HMGCLL1: variants seen among roughly 807,000 people sequenced by gnomAD.
HMGCLL1 encodes the protein 3-hydroxymethyl-3-methylglutaryl-CoA lyase, cytoplasmic.
HMGCLL1 carries 36 observed loss-of-function variants against 39.1 expected under a neutral mutation model. The observed-to-expected ratio is 0.92, with a 90% confidence interval of 0.71 to 1.22. HMGCLL1 has a LOEUF of 1.22. HMGCLL1 is among the 50% of genes most tolerant of loss of function. The pLI is 0.00. For missense variants in HMGCLL1, 451 were observed against 416.5 expected, an observed-to-expected ratio of 1.08 and a Z score of -0.72; for synonymous variants, 149 against 144.0, an observed-to-expected ratio of 1.03 and a Z score of -0.25.
chr6:55,660,358 C>T, the HMGCLL1 span, among the ~76,000 whole-genome samples: 20 of 151,746 alleles, frequency 1.3e-4, no homozygotes, highest in Admixed American at 5.9e-4. Context: ...TTCTGTTCTT[C>T]TCCCTCCTCC....
At chr6:55,445,553 A>G (rs1763787565) in intron 7 of HMGCLL1, among the ~76,000 whole-genome samples, 1 of 152,030 alleles carries the variant, frequency 6.6e-6, no homozygotes, top group African/African-American at 2.4e-5. Flanking sequence ...ATTTTCCTAT[A>G]TGAGAGACTT....
In HMGCLL1 at chr6:55,514,038, T is replaced by C. The variant is rs1209156720; in HGVS notation, c.542+10A>G. 3 of 1,607,338 alleles carry C rather than the reference T, an allele frequency of 1.9e-6. No individual in the cohort carries two copies. Among genetic ancestry groups the C allele is most frequent in the Non-Finnish European group, 2.5e-6 (3 of 1,178,036 alleles). ...TTAACAAAACAGAATTTGTGGGATTTCATAAGTACCCTCGTGCTGGAATAT... is the reference window on the plus strand; with the variant it reads ...TTAACAAAACAGAATTTGTGGGATTCCATAAGTACCCTCGTGCTGGAATAT... On this transcript the variant is annotated intron_variant, in intron 5 of 8. Coordinates refer to ENST00000274901, the MANE Select transcript of HMGCLL1 (RefSeq NM_001042406.2).
chr6:55,457,796 A>G (rs1365098492), intron 7 of HMGCLL1, among the ~76,000 whole-genome samples: 1 of 152,188 alleles, frequency 6.6e-6, no homozygotes, highest in Admixed American at 6.5e-5. Flanking sequence ...TCTAACTAGA[A>G]AACTTTTGGC....
chr6:55,659,741 T>G, the HMGCLL1 span, among the ~76,000 whole-genome samples: 163 of 152,006 alleles, frequency 1.1e-3, no homozygotes, highest in Middle Eastern at 3.4e-3. Context: ...GTTCTTCACT[T>G]TATGCTGTAT....
intron 7 of HMGCLL1, among the ~76,000 whole-genome samples, chr6:55,465,707 A>G (rs1764769472): frequency 6.6e-6 from 1 of 151,926 alleles, no homozygotes; most frequent in Non-Finnish European, 1.5e-5. Flanking sequence ...CTTAAGAAAT[A>G]TTTTTCTCCT....
chr6:55,581,193 GA>G (rs1204895862), upstream of HMGCLL1, among the ~76,000 whole-genome samples: 5 of 151,150 alleles, frequency 3.3e-5, no homozygotes, highest in East Asian at 2.0e-4. Context: ...AACATTTAGG[GA>G]AAAAAAAATT....
chr6:55,477,710 G>A (rs1765531212), intron 7 of HMGCLL1, among the ~76,000 whole-genome samples: 1 of 149,008 alleles, frequency 6.7e-6, no homozygotes, highest in Non-Finnish European at 1.5e-5. Flanking sequence ...TTTTAAAGCA[G>A]TGACTTCTAA....
At chr6:55,451,251 C>T (rs2127388858) in intron 7 of HMGCLL1, among the ~76,000 whole-genome samples, 1 of 152,178 alleles carries the variant, frequency 6.6e-6, no homozygotes, top group East Asian at 1.9e-4. Flanking sequence ...GCCAAAATCC[C>T]TTATATGTTT....
At chr6:55,545,177 A>T (rs1166706071) in intron 1 of HMGCLL1, among the ~76,000 whole-genome samples, 1 of 150,824 alleles carries the variant, frequency 6.6e-6, no homozygotes, top group African/African-American at 2.4e-5. Flanking sequence ...CATACATGGC[A>T]GAAGAGTTTT....
the HMGCLL1 span, among the ~76,000 whole-genome samples, chr6:55,672,050 A>C: frequency 6.6e-6 from 1 of 151,788 alleles, no homozygotes; most frequent in African/African-American, 2.4e-5. Context: ...TGGGAAGAGG[A>C]ACAGGGAACC....
chr6:55,591,529 G>A, the HMGCLL1 span, among the ~76,000 whole-genome samples: 5 of 151,696 alleles, frequency 3.3e-5, no homozygotes, highest in African/African-American at 1.2e-4. Flanking sequence ...TATTGGATAG[G>A]AATTAAGATT....
In HMGCLL1 at chr6:55,435,592, T is replaced by A. The variant is rs2127376333; in HGVS notation, c.*70A>T. ...CTTCACATATCAGAGCAAGTTGGCATTAATGATTTTCAGATGAGTATTGTA... is the reference window on the plus strand; with the variant it reads ...CTTCACATATCAGAGCAAGTTGGCAATAATGATTTTCAGATGAGTATTGTA... On this transcript the variant is annotated 3_prime_UTR_variant, in exon 9 of 9. Transcript: ENST00000274901. The A allele has an allele frequency of 2.6e-6, 2 of 772,534 alleles. No homozygotes were observed. Among genetic ancestry groups the A allele is most frequent in the Non-Finnish European group, 4.2e-6 (2 of 481,434 alleles). 47.9% of individuals were successfully genotyped at this position (772,534 alleles called of 1,614,324 possible).
At chr6:55,631,315 G>A in the HMGCLL1 span, among the ~76,000 whole-genome samples, 1 of 151,476 alleles carries the variant, frequency 6.6e-6, no homozygotes. Context: ...TTTTTTATAT[G>A]CATAGTTGTT....
At chr6:55,624,545 C>A in the HMGCLL1 span, among the ~76,000 whole-genome samples, 466 of 152,296 alleles carry the variant, frequency 3.1e-3, 1 homozygote, top group African/African-American at 0.01. Flanking sequence ...TTCAGAGGGA[C>A]CTTGATCCCT....
upstream of HMGCLL1, among the ~76,000 whole-genome samples, chr6:55,581,359 A>T (rs1238910833): frequency 6.6e-6 from 1 of 152,120 alleles, no homozygotes; most frequent in African/African-American, 2.4e-5. Context: ...AAATGCTATG[A>T]TCTCAAATTT....
rs780798314 is a variant in HMGCLL1 at position 55,514,120 on chromosome 6, G to A, written c.470C>T (p.Ser157Phe). The change falls in exon 5 of 9, where the codon TCC becomes TTC. Residue 157 changes from serine to phenylalanine, a missense_variant. Physicochemically the swap from Ser to Phe is radical, Grantham distance 155 (BLOSUM62 -2). Coordinates refer to ENST00000274901, the MANE Select transcript of HMGCLL1 (RefSeq NM_001042406.2). ...AAATTTTCCCATACTTTCTTCAATG[G>A]AACAGTTAATATTCTTCTTGCTAAA... Reference protein sequence around the residue: ...ESFSKKNINCSIEESMGKFEE... With the variant: ...ESFSKKNINCFIEESMGKFEE... 1.3e-5 allele frequency: 21 copies of A among 1,612,328 alleles called. No homozygotes were observed. The South Asian group carries it at 1.9e-4, about 14-fold the overall frequency.
rs1338298674 is a variant in HMGCLL1 at position 55,541,626 on chromosome 6, A to G, written c.297+103T>C. ...CCACAGGTTAATATTTTGAAAGAAT[A>G]TGGAAAATTAGTAATTATATCAAGT... is the stretch of plus-strand genomic sequence containing the variant. On this transcript the variant is annotated intron_variant, in intron 3 of 8. Coordinates refer to ENST00000274901, the MANE Select transcript of HMGCLL1 (RefSeq NM_001042406.2). 7 of 646,642 alleles carry G rather than the reference A, an allele frequency of 1.1e-5. No individual in the cohort carries two copies. In the African/African-American group the frequency reaches 1.1e-4, roughly 10 times the overall value. The allele number at this position is 646,642 out of a possible 1,614,324, so 40.1% of individuals were successfully genotyped here.
the HMGCLL1 span, among the ~76,000 whole-genome samples, chr6:55,595,262 T>C: frequency 9.2e-5 from 14 of 152,222 alleles, no homozygotes; most frequent in Admixed American, 9.2e-4. Context: ...AGATGAAATA[T>C]ATCTATCTAT....
chr6:55,604,038 G>T, the HMGCLL1 span, among the ~76,000 whole-genome samples: 1 of 152,220 alleles, frequency 6.6e-6, no homozygotes, highest in East Asian at 1.9e-4. Context: ...GGAGAGTCTG[G>T]TGGGGAGAAA....
Sources: gnomAD v4.1 joint callset for allele counts (sites outside exome capture counted in the v4.1 genomes callset) on GRCh38, gnomAD v4.1.1 for gene constraint, MANE v1.5 for transcripts, NCBI Gene and HGNC (gene_info 2026-07-23, HGNC 2026-07-21) for gene names.